Variants in UIMC1 observed in about 807,000 individuals in gnomAD.
UIMC1 encodes the protein ubiquitin interaction motif containing 1.
UIMC1 carries 42 observed loss-of-function variants against 84.9 expected under a neutral mutation model. The ratio of observed to expected loss-of-function variants is 0.49; its 90% CI spans 0.39 to 0.64. The LOEUF is 0.64. Ranked by LOEUF, UIMC1 falls within the 30% of genes least tolerant of loss-of-function variation. UIMC1 has a pLI of 0.00. For synonymous variants in UIMC1, 281 were observed against 293.0 expected (o/e 0.96, Z 0.42); for missense variants, 825 against 847.6 (o/e 0.97, Z 0.33).
chr5:176,933,791 G>A (rs757737933), intron 10 of UIMC1, among the ~76,000 whole-genome samples: 5 of 151,812 alleles, frequency 3.3e-5, no homozygotes, highest in South Asian at 2.1e-4. Context: ...CCACCTCAGC[G>A]TCCCAATGTG....
intron 13 of UIMC1, 175 bp from the exon 14 acceptor site, chr5:176,906,222 C>A: frequency 1.7e-6 from 1 of 582,974 alleles, no homozygotes; most frequent in Non-Finnish European, 3.0e-6. Context: ...CCAACAGACT[C>A]AGCTGCAGGG....
chr5:176,919,414 CT>C (rs1239750928), intron 10 of UIMC1, among the ~76,000 whole-genome samples: 1 of 152,120 alleles, frequency 6.6e-6, no homozygotes, highest in Non-Finnish European at 1.5e-5. Flanking sequence ...TCCAATTTAT[CT>C]TTTTCTTTTG....
chr5:176,920,728 T>G (rs1428177240), intron 10 of UIMC1, among the ~76,000 whole-genome samples: 1 of 152,236 alleles, frequency 6.6e-6, no homozygotes, highest in Non-Finnish European at 1.5e-5. Flanking sequence ...TGTCATCTGA[T>G]AGAGTAGTTT....
intron 6 of UIMC1, among the ~76,000 whole-genome samples, chr5:176,966,924 CAT>C (rs898509805): frequency 4.1e-4 from 63 of 152,142 alleles, no homozygotes; most frequent in African/African-American, 1.3e-3. Context: ...GGGTCTTAGA[CAT>C]GTGAGAAAAA....
At chr5:176,923,142 C>T (rs1457698137) in intron 10 of UIMC1, among the ~76,000 whole-genome samples, 1 of 152,118 alleles carries the variant, frequency 6.6e-6, no homozygotes, top group Admixed American at 6.5e-5. Flanking sequence ...AACATAATCA[C>T]GTAAGATGTT....
chr5:176,928,774 ACC>A (rs1485135745), intron 10 of UIMC1, among the ~76,000 whole-genome samples: 6 of 151,884 alleles, frequency 4.0e-5, no homozygotes, highest in Non-Finnish European at 8.8e-5. Flanking sequence ...ACATGGTGAA[ACC>A]CCGTCTCTAC....
chr5:176,970,968 C>G, intron 3 of UIMC1, 102 bp from the exon 4 acceptor site: 1 of 1,414,558 alleles, frequency 7.1e-7, no homozygotes, highest in Non-Finnish European at 9.4e-7. Context: ...AAGACACTAC[C>G]AGACCACTTA....
At chr5:176,924,012 A>G (rs1394922410) in intron 10 of UIMC1, among the ~76,000 whole-genome samples, 1 of 151,842 alleles carries the variant, frequency 6.6e-6, no homozygotes, top group African/African-American at 2.4e-5. Context: ...AAACCGTGAA[A>G]GACTAGAATA....
chr5:177,003,827 T>C (rs1317397397), intron 1 of UIMC1, among the ~76,000 whole-genome samples: 1 of 152,152 alleles, frequency 6.6e-6, no homozygotes, highest in Non-Finnish European at 1.5e-5. Flanking sequence ...ATGTTTCCTG[T>C]ACCGTGTGTG....
chr5:176,977,040 T>C (rs981824094), intron 2 of UIMC1, among the ~76,000 whole-genome samples: 4 of 151,856 alleles, frequency 2.6e-5, no homozygotes, highest in African/African-American at 9.7e-5. Flanking sequence ...CTGGCCAACA[T>C]AGTGAAACCC....
chr5:176,908,738 G>A, intron 11 of UIMC1, 44 bp from the exon 12 acceptor site: 2 of 1,581,532 alleles, frequency 1.3e-6, no homozygotes, highest in Non-Finnish European at 1.7e-6. Context: ...TTTAAGATGT[G>A]CTTTTGCCTC....
intron 1 of UIMC1, among the ~76,000 whole-genome samples, chr5:176,991,928 T>C (rs956236531): frequency 6.6e-6 from 1 of 151,844 alleles, no homozygotes; most frequent in Non-Finnish European, 1.5e-5. Context: ...CGAGACTCCG[T>C]TTCAAAAAAA....
In UIMC1 at chr5:176,975,784, T is replaced by C. The variant is rs148280533; in HGVS notation, c.148-304A>G. ...ATCACCAAAGATCAGAGTAGCTTGA[T>C]TGAAGATATGAAAAAACAATAATAA... On this transcript the variant is annotated intron_variant, in intron 2 of 14. Transcript: ENST00000511320. Among the ~76,000 whole-genome samples, 40 of 152,300 alleles carry C rather than the reference T, an allele frequency of 2.6e-4. 1 individual carries two copies. The South Asian group carries it at 4.8e-3, about 18-fold the overall frequency.
intron 2 of UIMC1, among the ~76,000 whole-genome samples, chr5:176,978,996 G>T (rs1581621868): frequency 6.6e-6 from 1 of 152,250 alleles, no homozygotes; most frequent in East Asian, 1.9e-4. Context: ...GTGCTAGAGA[G>T]TAAGAGAAAA....
chr5:176,938,402 A>G (rs1181303597), intron 10 of UIMC1, among the ~76,000 whole-genome samples: 1 of 152,080 alleles, frequency 6.6e-6, no homozygotes, highest in African/African-American at 2.4e-5. Context: ...AACCAAGTAA[A>G]GAGATCAAAC....
intron 3 of UIMC1, among the ~76,000 whole-genome samples, chr5:176,971,639 T>G (rs1769215203): frequency 6.6e-6 from 1 of 152,226 alleles, no homozygotes; most frequent in Non-Finnish European, 1.5e-5. Flanking sequence ...CCAGGCGTGG[T>G]GGCTCACGCC....
At chr5:176,929,996 G>A (rs752711647) in intron 10 of UIMC1, among the ~76,000 whole-genome samples, 9 of 152,214 alleles carry the variant, frequency 5.9e-5, no homozygotes, top group Non-Finnish European at 8.8e-5. Context: ...ACTAGTAAAT[G>A]TTTACCAAGG....
intron 7 of UIMC1, among the ~76,000 whole-genome samples, chr5:176,957,576 T>C (rs1766761583): frequency 6.6e-6 from 1 of 152,102 alleles, no homozygotes; most frequent in Non-Finnish European, 1.5e-5. Context: ...GGACAGACAG[T>C]GAGAGTGACA....
At chr5:177,005,959 C>T (rs1211255079) in intron 1 of UIMC1, among the ~76,000 whole-genome samples, 1 of 152,110 alleles carries the variant, frequency 6.6e-6, no homozygotes, top group African/African-American at 2.4e-5. Context: ...GCCGGCCCTG[C>T]GGGGGCGAAA....
Sources: allele counts gnomAD v4.1 joint callset (sites outside exome capture counted in the v4.1 genomes callset), GRCh38; gene constraint gnomAD v4.1.1; transcripts MANE v1.5; gene names NCBI Gene and HGNC (gene_info 2026-07-23, HGNC 2026-07-21).